NADSYN1: variants seen among roughly 807,000 people sequenced by gnomAD.
NADSYN1 encodes the protein NAD synthetase 1, also known as glutamine-dependent NAD(+) synthetase.
In NADSYN1, 80 loss-of-function variants were observed where a neutral mutation model predicts 99.3. That is an observed-to-expected ratio of 0.81 (90% CI 0.67 to 0.97). NADSYN1 has a LOEUF of 0.97. Ranked by LOEUF, NADSYN1 falls within the 50% of genes least tolerant of loss-of-function variation. The pLI is 0.00. For synonymous variants in NADSYN1, 385 were observed against 372.1 expected (o/e 1.03, Z -0.40); for missense variants, 859 against 948.5 (o/e 0.91, Z 1.24).
rs1267220996 is a variant in NADSYN1, at chr11:71,473,575, C to G, written c.555C>G (p.His185Gln). ...CACCTGCCTCTGCCTGCAGCCCGCA[C>G]ATCGACATGGGCCTGGATGGCGTGG... is the stretch of plus-strand genomic sequence containing the variant. Reference protein sequence around the residue: ...CEELWTPHSPHIDMGLDGVEI... With the variant: ...CEELWTPHSPQIDMGLDGVEI... Residue 185 changes from histidine (H) to glutamine (Q), a missense_variant, in exon 8 of 21, where the codon CAC becomes CAG. Physicochemically the swap from His to Gln is conservative, Grantham distance 24 (BLOSUM62 0). Coordinates refer to ENST00000319023, the MANE Select transcript of NADSYN1 (RefSeq NM_018161.5). 1.9e-6 allele frequency: 3 copies of G among 1,609,866 alleles called. No homozygotes were observed. The South Asian group carries it at 3.3e-5, about 18-fold the overall frequency.
rs186142489 is a variant in NADSYN1, at chr11:71,484,465, G to A, written c.1455+18G>A. On this transcript the variant is annotated intron_variant, in intron 15 of 20. Coordinates refer to ENST00000319023, the MANE Select transcript of NADSYN1 (RefSeq NM_018161.5). ...ATGTGCAGGTGCCCCCGCCTGGGCCGGCGTCCCCTGGGGGTGGGGGTGCAG... is the reference window on the plus strand; with the variant it reads ...ATGTGCAGGTGCCCCCGCCTGGGCCAGCGTCCCCTGGGGGTGGGGGTGCAG... 26 of 1,605,850 alleles carry A rather than the reference G, an allele frequency of 1.6e-5. No individual in the cohort carries two copies. The highest frequency in any genetic ancestry group is 2.2e-5 in the East Asian group (1 of 44,630).
At position 71,481,394 on chromosome 11, in the gene NADSYN1, G is replaced by T. The variant is rs1461593501; in HGVS notation, c.1037G>T (p.Arg346Leu). The change falls in exon 12 of 21, where the codon CGA (arginine) becomes CTA (leucine). Residue 346 changes from arginine to leucine, a missense_variant. Physicochemically the swap from Arg to Leu is moderately radical, Grantham distance 102. Coordinates refer to ENST00000319023, the MANE Select transcript of NADSYN1 (RefSeq NM_018161.5). Reference protein sequence around the residue: ...PACWLWDFLRRSQQAGFLLPL... With the variant: ...PACWLWDFLRLSQQAGFLLPL... ...TGCTGGCTCTGGGATTTTTTAAGAC[G>T]AAGTCAACAGGTAAGACTTCCAGTT... The T allele has an allele frequency of 6.2e-7, 1 of 1,614,008 alleles. No homozygotes were observed. The highest frequency in any genetic ancestry group is 1.3e-5 in the African/African-American group (1 of 75,016).
chr11:71,465,671 G>A (rs533044792), intron 5 of NADSYN1, among the ~76,000 whole-genome samples: 1 of 152,266 alleles, frequency 6.6e-6, no homozygotes, highest in African/African-American at 2.4e-5. Flanking sequence ...GTCCCCTGGG[G>A]GGTAAAATGC....
intron 3 of NADSYN1, 45 bp downstream of exon 3, chr11:71,458,589 C>T (rs1591120959): frequency 1.4e-6 from 2 of 1,444,894 alleles, no homozygotes; most frequent in East Asian, 2.3e-5. Context: ...GGGACAAAGG[C>T]AAGCTCAAGG....
chr11:71,467,992 G>T (rs1540127), intron 5 of NADSYN1, among the ~76,000 whole-genome samples: 4 of 151,942 alleles, frequency 2.6e-5, no homozygotes, highest in African/African-American at 9.7e-5. Flanking sequence ...CAAATTGCCC[G>T]CAGAGATTCA....
chr11:71,463,608 G>C (rs1227911007), intron 4 of NADSYN1, 123 bp downstream of exon 4: 1 of 958,434 alleles, frequency 1.0e-6, no homozygotes, highest in Non-Finnish European at 1.6e-6. Context: ...TTCTGGAAGT[G>C]CCCGGGCTTA....
chr11:71,489,579 C>G (rs1340092565), intron 16 of NADSYN1, among the ~76,000 whole-genome samples: 1 of 152,220 alleles, frequency 6.6e-6, no homozygotes, highest in Non-Finnish European at 1.5e-5. Context: ...CTGTCATCTC[C>G]CCTGGCCCAT....
chr11:71,462,708 C>T (rs569295222), intron 3 of NADSYN1, among the ~76,000 whole-genome samples: 2 of 152,346 alleles, frequency 1.3e-5, no homozygotes, highest in East Asian at 3.9e-4. Context: ...ACACCATCCA[C>T]ATTTGGTTTT....
In NADSYN1 at chr11:71,458,479, G is replaced by A. The variant is rs201606672; in HGVS notation, c.198G>A (p.Ser66=). The A allele has an allele frequency of 2.1e-4, 343 of 1,613,948 alleles. No homozygotes were observed. Among genetic ancestry groups the A allele is most frequent in the Non-Finnish European group, 1.9e-4 (219 of 1,179,948 alleles). Residue 66 remains serine, a synonymous_variant, in exon 3 of 21, where the codon TCG becomes TCA. Transcript: ENST00000319023. ...ACGAGTCGGACACCCTCTTGCACTC[G>A]TTTCAAGTCCTAGCGGCCCTTGTGG... ...HYYESDTLLH[S]FQVLAALVES... is the part of the protein sequence containing the mutation.
chr11:71,473,408 A>G (rs778351388), intron 7 of NADSYN1, 42 bp downstream of exon 7: 11 of 1,589,112 alleles, frequency 6.9e-6, no homozygotes, highest in Non-Finnish European at 9.5e-6. Context: ...CCCACCTCAT[A>G]TGGGCCAGCT....
chr11:71,493,381 A>G (rs1949796820), intron 18 of NADSYN1, among the ~76,000 whole-genome samples: 1 of 152,012 alleles, frequency 6.6e-6, no homozygotes, highest in Non-Finnish European at 1.5e-5. Context: ...CATATTGACC[A>G]TATACCCTGC....
At chr11:71,497,747 C>G (rs564369579) in intron 19 of NADSYN1, 136 bp downstream of exon 19, 4 of 1,195,124 alleles carry the variant, frequency 3.3e-6, no homozygotes, top group East Asian at 4.8e-5. Flanking sequence ...CACAGTAACA[C>G]TTTTCAGTTA....
rs779299477 is a variant in NADSYN1, at chr11:71,473,243, A to G, written c.460-35A>G. 14 of 1,587,968 alleles carry G rather than the reference A, an allele frequency of 8.8e-6. No homozygotes were observed. The East Asian group carries it at 2.7e-4, about 30-fold the overall frequency. On this transcript the variant is annotated intron_variant, in intron 6 of 20. Coordinates refer to ENST00000319023, the MANE Select transcript of NADSYN1 (RefSeq NM_018161.5). Reference sequence around the variant, plus strand: ...TGCGTGGCCCAGACAGGGCATGGCTAGTGAATCTCATGCACTCTTCTCTTC... The same window carrying G: ...TGCGTGGCCCAGACAGGGCATGGCTGGTGAATCTCATGCACTCTTCTCTTC...
chr11:71,495,885 G>T (rs1949815513), intron 18 of NADSYN1, among the ~76,000 whole-genome samples: 1 of 152,240 alleles, frequency 6.6e-6, no homozygotes, highest in Non-Finnish European at 1.5e-5. Flanking sequence ...GGGAATGGGA[G>T]CAGATCTTGA....
chr11:71,468,900 G>A (rs1417736460), intron 5 of NADSYN1, among the ~76,000 whole-genome samples: 1 of 152,178 alleles, frequency 6.6e-6, no homozygotes, highest in African/African-American at 2.4e-5. Context: ...AAGTGCTTAT[G>A]GCTAACTATA....
chr11:71,493,844 A>G (rs1949801068), intron 18 of NADSYN1, among the ~76,000 whole-genome samples: 1 of 152,118 alleles, frequency 6.6e-6, no homozygotes, highest in Admixed American at 6.5e-5. Flanking sequence ...AAAGTTTATA[A>G]GGTAAGGCTG....
At chr11:71,492,317 G>C (rs1329671027) in intron 18 of NADSYN1, among the ~76,000 whole-genome samples, 1 of 152,146 alleles carries the variant, frequency 6.6e-6, no homozygotes, top group Non-Finnish European at 1.5e-5. Flanking sequence ...GTGGCTGTGG[G>C]CTTTTTATGA....
chr11:71,471,534 T>C (rs893487774), intron 5 of NADSYN1, among the ~76,000 whole-genome samples: 12 of 152,168 alleles, frequency 7.9e-5, no homozygotes, highest in African/African-American at 2.9e-4. Flanking sequence ...TTTGTTCCGG[T>C]GTCCAGGGTG....
chr11:71,473,645 G>A lies in NADSYN1; in HGVS notation c.625G>A (p.Ala209Thr). 3 of 1,613,256 alleles carry A rather than the reference G, an allele frequency of 1.9e-6. No individual in the cohort carries two copies. In the African/African-American group the frequency reaches 4.0e-5, roughly 21 times the overall value. ...GGGCAGCCACCAAGTGCTGCGCAAA[G>A]CCAACACCAGGGTGGATCTCGTGAC... ...ASGSHQVLRKANTRVDLVTMV... is the reference protein window; with the variant it reads ...ASGSHQVLRKTNTRVDLVTMV... Residue 209 changes from alanine (A) to threonine (T), a missense_variant, in exon 8 of 21, where the codon GCC becomes ACC. Transcript: ENST00000319023.
Sources: gnomAD v4.1 joint callset for allele counts (sites outside exome capture counted in the v4.1 genomes callset) on GRCh38, gnomAD v4.1.1 for gene constraint, MANE v1.5 for transcripts, NCBI Gene and HGNC (gene_info 2026-07-23, HGNC 2026-07-21) for gene names.